Variants in SPIDR observed in about 807,000 individuals in gnomAD.
The protein encoded by SPIDR is DNA repair-scaffolding protein.
Under a neutral mutation model 104.6 loss-of-function variants are expected in SPIDR, and 93 were observed. The ratio of observed to expected loss-of-function variants is 0.89; its 90% confidence interval spans 0.75 to 1.06. The LOEUF (loss-of-function observed/expected upper bound fraction) is 1.06, where lower values mean the gene tolerates loss of function less well. SPIDR is among the 50% of genes least tolerant of loss of function. The pLI, the probability that SPIDR is intolerant of heterozygous loss-of-function variation, is 0.00. For missense variants in SPIDR, 1,154 were observed against 1,111.2 expected (o/e 1.04, Z -0.55); for synonymous variants, 431 against 416.9 (o/e 1.03, Z -0.41).
intron 8 of SPIDR, among the ~76,000 whole-genome samples, chr8:47,479,620 C>T (rs1309012765): frequency 2.0e-5 from 3 of 152,136 alleles, no homozygotes; most frequent in African/African-American, 4.8e-5. Flanking sequence ...GGCTGAGGTT[C>T]TCCTTCAGGT....
At chr8:47,701,673 A>T in intron 12 of SPIDR, 48 bp from the exon 13 acceptor site, 1 of 1,564,534 alleles carries the variant, frequency 6.4e-7, no homozygotes, top group Admixed American at 1.9e-5. Context: ...CCTCTTTTTG[A>T]GTCTTTTAAC....
chr8:47,394,597 C>G (rs868952088), intron 5 of SPIDR, among the ~76,000 whole-genome samples: 7 of 152,296 alleles, frequency 4.6e-5, no homozygotes, highest in African/African-American at 1.7e-4. Context: ...ACACGTCGGC[C>G]CACCTCATGG....
At chr8:47,371,088 G>C (rs1206417232) in intron 5 of SPIDR, among the ~76,000 whole-genome samples, 1 of 150,128 alleles carries the variant, frequency 6.7e-6, no homozygotes, top group African/African-American at 2.5e-5. Context: ...GCAGCAGTGG[G>C]ACTGTTGATC....
intron 8 of SPIDR, among the ~76,000 whole-genome samples, chr8:47,456,850 C>T (rs971031430): frequency 6.6e-6 from 1 of 152,066 alleles, no homozygotes; most frequent in African/African-American, 2.4e-5. Context: ...TGAGAACATA[C>T]GATGTTTGTT....
chr8:47,674,845 G>C (rs933189529), intron 11 of SPIDR, among the ~76,000 whole-genome samples: 1 of 152,172 alleles, frequency 6.6e-6, no homozygotes, highest in African/African-American at 2.4e-5. Context: ...CACAGGCCTT[G>C]ACTTTGAGTC....
intron 10 of SPIDR, among the ~76,000 whole-genome samples, chr8:47,658,868 G>A (rs1190504403): frequency 6.6e-6 from 1 of 150,918 alleles, no homozygotes; most frequent in African/African-American, 2.4e-5. Flanking sequence ...CCGGCGAGGT[G>A]GAGATTGCAG....
In SPIDR at chr8:47,269,165, C is replaced by CT. The variant is rs1160351168; in HGVS notation, c.33+8198dup. On this transcript the variant is annotated intron_variant, in intron 1 of 19. Transcript: ENST00000297423. ...CTGGGCAACAGAGTGAGACCCTCTC[C>CT]TTTTTTTTTTTTTTTTTTTTTTTTA... is the stretch of plus-strand genomic sequence containing the variant. Among the ~76,000 whole-genome samples, 858 of 111,796 alleles carry CT rather than the reference C, an allele frequency of 7.7e-3. 14 individuals are homozygous for CT. The highest frequency in any genetic ancestry group is 0.015 in the Middle Eastern group (3 of 204). 73.3% of individuals were successfully genotyped at this position (111,796 alleles called of 152,430 possible). A position where few individuals can be genotyped will look rare whatever the true frequency, so the allele number is the denominator to read the frequency against.
rs1288641637 is a variant in SPIDR, at chr8:47,647,571, G to A, written c.1545-26230G>A. Among the ~76,000 whole-genome samples the A allele has an allele frequency of 4.7e-5, 7 of 148,920 alleles. No homozygotes were observed. The Admixed American group carries it at 4.8e-4, about 10-fold the overall frequency. On this transcript the variant is annotated intron_variant, in intron 10 of 19. Coordinates refer to ENST00000297423, the MANE Select transcript of SPIDR (RefSeq NM_001080394.4). ...CGGAGGTTGCAGGAGCCGAGATTGC[G>A]CCACTGCACTCTAGCCTGGGTGACA...
At chr8:47,504,998 G>C (rs1210862607) in intron 8 of SPIDR, among the ~76,000 whole-genome samples, 5 of 152,134 alleles carry the variant, frequency 3.3e-5, no homozygotes, top group Non-Finnish European at 5.9e-5. Flanking sequence ...TGGAAGTTTT[G>C]TCTCAGCGGA....
At chr8:47,652,941 G>C (rs1025889038) in intron 10 of SPIDR, among the ~76,000 whole-genome samples, 1 of 152,102 alleles carries the variant, frequency 6.6e-6, no homozygotes, top group Non-Finnish European at 1.5e-5. Context: ...TGTGCTAGTA[G>C]GCCCACTACA....
At chr8:47,482,826 T>G (rs1554728075) in intron 8 of SPIDR, among the ~76,000 whole-genome samples, 2 of 150,754 alleles carry the variant, frequency 1.3e-5, no homozygotes, top group Non-Finnish European at 3.0e-5. Flanking sequence ...CTGTGTTTTG[T>G]TTTTTTTTGT....
intron 1 of SPIDR, among the ~76,000 whole-genome samples, chr8:47,264,428 C>G (rs1352669119): frequency 6.6e-6 from 1 of 152,002 alleles, no homozygotes; most frequent in African/African-American, 2.4e-5. Context: ...GAGATTAGGG[C>G]AGTCAGTTGC....
chr8:47,485,688 C>T (rs1411157682), intron 8 of SPIDR, among the ~76,000 whole-genome samples: 1 of 152,240 alleles, frequency 6.6e-6, no homozygotes, highest in Non-Finnish European at 1.5e-5. Flanking sequence ...GCAGCATTTG[C>T]CGTTCTGCAA....
intron 1 of SPIDR, among the ~76,000 whole-genome samples, chr8:47,267,297 T>C (rs1479994931): frequency 3.3e-5 from 5 of 152,174 alleles, no homozygotes; most frequent in Admixed American, 2.6e-4. Context: ...GTGTTGGGAT[T>C]ACATCCGTGA....
chr8:47,320,583 C>G (rs2046359978), intron 5 of SPIDR, among the ~76,000 whole-genome samples: 1 of 152,184 alleles, frequency 6.6e-6, no homozygotes. Context: ...GGGAATCCTC[C>G]CTAACTCATT....
chr8:47,547,227 C>A, intron 8 of SPIDR: 1 of 646,552 alleles, frequency 1.5e-6, no homozygotes, highest in Non-Finnish European at 2.9e-6. Context: ...CTTTGCACAA[C>A]TTGTACTTGG....
chr8:47,345,446 G>A (rs1181022111), intron 5 of SPIDR, among the ~76,000 whole-genome samples: 1 of 152,154 alleles, frequency 6.6e-6, no homozygotes, highest in Non-Finnish European at 1.5e-5. Context: ...GGCAATGCGG[G>A]CTCTTTTTCG....
intron 1 of SPIDR, among the ~76,000 whole-genome samples, chr8:47,277,818 G>C (rs2036855625): frequency 6.6e-6 from 1 of 151,840 alleles, no homozygotes; most frequent in Non-Finnish European, 1.5e-5. Context: ...GGGACTACAG[G>C]CGCACACCAC....
chr8:47,487,755 A>G (rs529969035), intron 8 of SPIDR, among the ~76,000 whole-genome samples: 9 of 152,344 alleles, frequency 5.9e-5, no homozygotes. Flanking sequence ...CTGAATGACT[A>G]CTGGGTACAT....
Sources: allele counts gnomAD v4.1 joint callset (sites outside exome capture counted in the v4.1 genomes callset), GRCh38; gene constraint gnomAD v4.1.1; transcripts MANE v1.5; gene names NCBI Gene and HGNC (gene_info 2026-07-23, HGNC 2026-07-21).